MYRIP: variants seen among roughly 807,000 people sequenced by gnomAD.
MYRIP encodes myosin VIIA and Rab interacting protein.
Under a neutral mutation model 98.0 loss-of-function variants are expected in MYRIP, and 49 were observed. The observed-to-expected ratio is 0.50, with a 90% CI of 0.40 to 0.63. MYRIP has a LOEUF of 0.63. Among genes scored for constraint, MYRIP ranks in the 30% least tolerant of loss-of-function variants. The pLI is 0.00. For synonymous variants in MYRIP, 404 were observed against 409.5 expected (o/e 0.99, Z 0.16); for missense variants, 1,004 against 1,058.2 (o/e 0.95, Z 0.71).
intron 7 of MYRIP, among the ~76,000 whole-genome samples, chr3:40,167,669 C>A: frequency 6.6e-6 from 1 of 152,182 alleles, no homozygotes; most frequent in Non-Finnish European, 1.5e-5. Context: ...CTACTTCAGA[C>A]ACCAGCCACA....
chr3:40,129,152 C>A (rs1949583320), intron 3 of MYRIP, among the ~76,000 whole-genome samples: 1 of 151,312 alleles, frequency 6.6e-6, no homozygotes, highest in South Asian at 2.1e-4. Flanking sequence ...AAAAAAAAAT[C>A]ATGACTGGGC....
intron 11 of MYRIP, among the ~76,000 whole-genome samples, chr3:40,231,552 C>T (rs1952659533): frequency 2.0e-5 from 3 of 152,168 alleles, no homozygotes; most frequent in African/African-American, 2.4e-5. Flanking sequence ...ATAAACAAGG[C>T]TGTTTATAGA....
intron 1 of MYRIP, among the ~76,000 whole-genome samples, chr3:39,836,289 C>G (rs1322814474): frequency 6.6e-6 from 1 of 152,190 alleles, no homozygotes; most frequent in African/African-American, 2.4e-5. Context: ...GACAATCTAA[C>G]TGGCATGAGA....
intron 2 of MYRIP, 114 bp from the exon 3 acceptor site, chr3:40,043,935 TC>T: frequency 2.5e-6 from 2 of 815,746 alleles, no homozygotes; most frequent in South Asian, 3.4e-5. Flanking sequence ...TCCAGGAAGG[TC>T]CTACATGGTA....
At chr3:40,207,262 G>A (rs1951812658) in intron 10 of MYRIP, among the ~76,000 whole-genome samples, 1 of 152,126 alleles carries the variant, frequency 6.6e-6, no homozygotes, top group Admixed American at 6.6e-5. Context: ...TGGTCTTGCT[G>A]CTTCTACATC....
chr3:39,979,218 C>T (rs181831489), intron 2 of MYRIP, among the ~76,000 whole-genome samples: 2 of 152,244 alleles, frequency 1.3e-5, no homozygotes, highest in African/African-American at 4.8e-5. Flanking sequence ...CTCCTGGACT[C>T]AAGCAATCAT....
intron 2 of MYRIP, among the ~76,000 whole-genome samples, chr3:39,995,578 A>T (rs1946326244): frequency 6.6e-6 from 1 of 152,246 alleles, no homozygotes; most frequent in Non-Finnish European, 1.5e-5. Context: ...CTTGAAAGTG[A>T]CGGGGAGAAT....
Position 39,946,786 on chromosome 3 carries a change from C to T in MYRIP, c.110+45860C>T, listed in dbSNP as rs369880346. On this transcript the variant is annotated intron_variant, in intron 2 of 16. Transcript: ENST00000302541. ...GACGATCCAGATAAAATGTGCCGAG[C>T]TTATGACCCATGGAAACTGAGGGAT... is the stretch of plus-strand genomic sequence containing the variant. Among the ~76,000 whole-genome samples the T allele has an allele frequency of 2.8e-4, 43 of 152,118 alleles. 1 individual carries two copies. Among genetic ancestry groups the T allele is most frequent in the African/African-American group, 1.0e-3 (43 of 41,448 alleles).
intron 1 of MYRIP, among the ~76,000 whole-genome samples, chr3:39,838,365 T>C (rs1415230035): frequency 6.6e-6 from 1 of 152,256 alleles, no homozygotes; most frequent in Non-Finnish European, 1.5e-5. Flanking sequence ...TAGCTCTTAT[T>C]ACTTTGAGAT....
chr3:39,824,239 G>T (rs1403478116), intron 1 of MYRIP, among the ~76,000 whole-genome samples: 1 of 152,052 alleles, frequency 6.6e-6, no homozygotes, highest in Non-Finnish European at 1.5e-5. Flanking sequence ...ATATTATGCT[G>T]TTTTGGTTAT....
At chr3:40,160,799 G>A (rs1950373254) in intron 4 of MYRIP, among the ~76,000 whole-genome samples, 1 of 152,176 alleles carries the variant, frequency 6.6e-6, no homozygotes, top group Non-Finnish European at 1.5e-5. Flanking sequence ...CTTTGACTAG[G>A]AAAGGGAACT....
intron 2 of MYRIP, among the ~76,000 whole-genome samples, chr3:40,010,721 C>T (rs1386616709): frequency 6.6e-6 from 1 of 152,126 alleles, no homozygotes; most frequent in African/African-American, 2.4e-5. Context: ...GCCATACCTC[C>T]CCTGCCCCTA....
intron 2 of MYRIP, among the ~76,000 whole-genome samples, chr3:40,039,112 C>T (rs1165572292): frequency 6.6e-6 from 1 of 152,098 alleles, no homozygotes; most frequent in Non-Finnish European, 1.5e-5. Context: ...TTCCACTACC[C>T]TTAAACCATT....
chr3:39,966,377 T>A (rs1945442821), intron 2 of MYRIP, among the ~76,000 whole-genome samples: 1 of 152,196 alleles, frequency 6.6e-6, no homozygotes, highest in Non-Finnish European at 1.5e-5. Flanking sequence ...AAATTCTGAA[T>A]GACCACTATA....
chr3:40,199,613 A>G (rs1951496366), intron 10 of MYRIP, among the ~76,000 whole-genome samples: 1 of 152,188 alleles, frequency 6.6e-6, no homozygotes, highest in African/African-American at 2.4e-5. Context: ...CAATATCCCC[A>G]GGCAAGGCCT....
chr3:40,011,169 C>T (rs1193306997), intron 2 of MYRIP, among the ~76,000 whole-genome samples: 1 of 152,164 alleles, frequency 6.6e-6, no homozygotes. Flanking sequence ...GGTGACCCTC[C>T]TTGCTGAATG....
At chr3:39,985,219 A>G (rs1270901929) in intron 2 of MYRIP, among the ~76,000 whole-genome samples, 1 of 149,686 alleles carries the variant, frequency 6.7e-6, no homozygotes, top group Non-Finnish European at 1.5e-5. Context: ...TGCTTCAAAG[A>G]GAATAAAATA....
intron 11 of MYRIP, among the ~76,000 whole-genome samples, chr3:40,232,531 T>C (rs1952692050): frequency 6.6e-6 from 1 of 152,228 alleles, no homozygotes; most frequent in Admixed American, 6.5e-5. Context: ...GATAGGTACC[T>C]TGGGAAGGCA....
intron 10 of MYRIP, among the ~76,000 whole-genome samples, chr3:40,196,033 C>T (rs564563433): frequency 2.2e-4 from 34 of 151,888 alleles, no homozygotes; most frequent in Non-Finnish European, 3.7e-4. Flanking sequence ...ATTCTCATCA[C>T]GTTTTAAAAA....
Sources: allele counts gnomAD v4.1 joint callset (sites outside exome capture counted in the v4.1 genomes callset), GRCh38; gene constraint gnomAD v4.1.1; transcripts MANE v1.5; gene names NCBI Gene and HGNC (gene_info 2026-07-23, HGNC 2026-07-21).